Variants in BRF1 observed in about 807,000 individuals in gnomAD.
BRF1 encodes transcription factor IIIB 90 kDa subunit.
Under a neutral mutation model 81.7 loss-of-function variants are expected in BRF1, and 59 were observed. That is an observed-to-expected ratio of 0.72 (90% CI 0.59 to 0.90). BRF1 has a LOEUF of 0.90. Among genes scored for constraint, BRF1 ranks in the 40% least tolerant of loss-of-function variants. BRF1 has a pLI of 0.00. For missense variants in BRF1, 1,050 were observed against 936.3 expected (o/e 1.12, Z -1.58); for synonymous variants, 491 against 395.6 (o/e 1.24, Z -2.86).
At chr14:105,225,954 A>C in intron 10 of BRF1, 115 bp downstream of exon 10, 4 of 1,113,118 alleles carry the variant, frequency 3.6e-6, no homozygotes, top group Non-Finnish European at 5.1e-6. Context: ...TGGTAAACTT[A>C]CATTCTGTAG....
At chr14:105,243,238 C>T (rs769727296) in intron 5 of BRF1, among the ~76,000 whole-genome samples, 176 of 148,766 alleles carry the variant, frequency 1.2e-3, no homozygotes, top group Non-Finnish European at 2.2e-3. Context: ...CTTAGGAGTT[C>T]GAGACCACCC....
At chr14:105,265,609 G>A (rs752437154) in intron 3 of BRF1, among the ~76,000 whole-genome samples, 77 of 151,986 alleles carry the variant, frequency 5.1e-4, no homozygotes, top group Non-Finnish European at 1.0e-3. Flanking sequence ...AAATTAGCTG[G>A]GCATGGGCCA....
At chr14:105,297,408 AAAT>A (rs2057791874) in intron 1 of BRF1, among the ~76,000 whole-genome samples, 2 of 151,722 alleles carry the variant, frequency 1.3e-5, no homozygotes, top group African/African-American at 4.8e-5. Flanking sequence ...CTCTACTAAA[AAAT>A]ATACAAAAAT....
intron 2 of BRF1, among the ~76,000 whole-genome samples, chr14:105,283,963 G>T (rs1272708921): frequency 6.6e-6 from 1 of 152,144 alleles, no homozygotes; most frequent in Admixed American, 6.5e-5. Flanking sequence ...AAACGTGTGT[G>T]CCAGGAAGCC....
rs1034491440 is a variant in BRF1, at chr14:105,222,095, G to C, written c.1049-181C>G. The stretch of plus-strand genomic sequence containing the variant: ...CACCTCGCACTGCACGCGGAAGTTA[G>C]CTCAAAGCAGATCACAGACCTAGGG... On this transcript the variant is annotated intron_variant, in intron 10 of 17. Transcript: ENST00000547530. The C allele has an allele frequency of 6.1e-6, 4 of 660,388 alleles. No individual in the cohort carries two copies. In the South Asian group the frequency reaches 7.2e-5, roughly 12 times the overall value. 40.9% of individuals were successfully genotyped at this position (660,388 alleles called of 1,614,324 possible).
intron 5 of BRF1, chr14:105,249,256 C>T (rs2055412292): frequency 1.3e-6 from 2 of 1,566,802 alleles, no homozygotes; most frequent in Non-Finnish European, 8.6e-7. Context: ...AGGTGGGTAG[C>T]GGCGGCCCCT....
intron 2 of BRF1, among the ~76,000 whole-genome samples, chr14:105,283,085 C>T (rs976019633): frequency 6.6e-6 from 1 of 152,220 alleles, no homozygotes; most frequent in African/African-American, 2.4e-5. Context: ...TAGGATCTGC[C>T]TCACAGACAT....
chr14:105,229,530 C>T (rs998732373), intron 6 of BRF1, among the ~76,000 whole-genome samples: 2 of 152,326 alleles, frequency 1.3e-5, no homozygotes, highest in African/African-American at 4.8e-5. Context: ...GGGTAGTTGA[C>T]CAGGCCACGG....
intron 5 of BRF1, among the ~76,000 whole-genome samples, chr14:105,245,998 G>T (rs587688999): frequency 2.6e-5 from 4 of 152,328 alleles, no homozygotes; most frequent in Admixed American, 2.6e-4. Flanking sequence ...GAATGGAAGA[G>T]ACTATGTGCA....
chr14:105,310,312 T>C lies in BRF1; in HGVS notation c.-162+5010A>G, dbSNP rs587694931. ...TTGGGAGGTCGAGGCGGGCGGATCATGAGGTCAGGAGATCAAGACCATCCT... is the reference window on the plus strand; with the variant it reads ...TTGGGAGGTCGAGGCGGGCGGATCACGAGGTCAGGAGATCAAGACCATCCT... On this transcript the variant is annotated intron_variant, in intron 1 of 17. Coordinates refer to the BRF1 transcript ENST00000327359. 3.2e-4 allele frequency among the ~76,000 whole-genome samples: 48 copies of C among 151,012 alleles called. No individual in the cohort carries two copies. The South Asian group carries it at 6.7e-3, about 21-fold the overall frequency.
intron 15 of BRF1, chr14:105,217,167 C>T (rs756429018): frequency 5.9e-6 from 2 of 338,782 alleles, no homozygotes; most frequent in South Asian, 3.9e-5. Flanking sequence ...TCAGCAGAGA[C>T]GGCAATGCAG....
intron 16 of BRF1, chr14:105,211,738 T>C: frequency 2.7e-6 from 1 of 376,292 alleles, no homozygotes; most frequent in East Asian, 5.7e-5. Context: ...GCCAGACCAG[T>C]CCCCAACAAG....
upstream of BRF1, among the ~76,000 whole-genome samples, chr14:105,302,429 C>G (rs370629090): frequency 7.2e-5 from 11 of 151,950 alleles, no homozygotes; most frequent in African/African-American, 2.7e-4. Flanking sequence ...TCTTGAACTC[C>G]CGACCTCAGG....
At chr14:105,241,572 C>G in intron 5 of BRF1, 158 bp from the exon 6 acceptor site, 1 of 939,442 alleles carries the variant, frequency 1.1e-6, no homozygotes, top group Non-Finnish European at 1.6e-6. Flanking sequence ...CTCTGACCCT[C>G]AGCTAGGGCA....
rs1263761230 is a variant in BRF1, at chr14:105,314,912, C to G, written c.-162+410G>C. The G allele has an allele frequency of 5.9e-6, 6 of 1,008,582 alleles. No homozygotes were observed. The African/African-American group carries it at 7.1e-5, about 12-fold the overall frequency. The allele number at this position is 1,008,582 out of a possible 1,614,324, so 62.5% of individuals were successfully genotyped here. ...CAGGCCGCCGAGGGAGCGGCGGGGC[C>G]GGCGCCATGGCCGAGCGAGGCCGCC... On this transcript the variant is annotated intron_variant, in intron 1 of 17. Coordinates refer to the BRF1 transcript ENST00000327359.
chr14:105,250,751 A>G, intron 5 of BRF1: 1 of 1,403,722 alleles, frequency 7.1e-7, no homozygotes, highest in Non-Finnish European at 9.7e-7. Flanking sequence ...GACACCATGA[A>G]AGGCTGCTCT....
At chr14:105,251,961 C>A (rs1281243287) in intron 5 of BRF1, among the ~76,000 whole-genome samples, 1 of 152,060 alleles carries the variant, frequency 6.6e-6, no homozygotes, top group African/African-American at 2.4e-5. Flanking sequence ...GCACACAACA[C>A]AGAACAAAAG....
intron 1 of BRF1, among the ~76,000 whole-genome samples, chr14:105,290,454 C>T (rs1034802004): frequency 6.6e-6 from 1 of 152,150 alleles, no homozygotes; most frequent in Admixed American, 6.5e-5. Context: ...TGAAGCCCCA[C>T]CTTCCAAGAA....
chr14:105,272,152 C>T (rs1566854959), intron 3 of BRF1, among the ~76,000 whole-genome samples: 1 of 128,410 alleles, frequency 7.8e-6, no homozygotes, highest in Non-Finnish European at 1.7e-5. Context: ...CCTGCGGTCA[C>T]GGTGTCCACA....
Sources: gnomAD v4.1 joint callset for allele counts (sites outside exome capture counted in the v4.1 genomes callset) on GRCh38, gnomAD v4.1.1 for gene constraint, MANE v1.5 for transcripts, NCBI Gene and HGNC (gene_info 2026-07-23, HGNC 2026-07-21) for gene names.